HNF4G: variants seen among roughly 807,000 people sequenced by gnomAD.
The protein encoded by HNF4G is hepatocyte nuclear factor 4 gamma.
Under a neutral mutation model 50.9 loss-of-function variants are expected in HNF4G, and 21 were observed. The ratio of observed to expected loss-of-function variants is 0.41; its 90% CI spans 0.29 to 0.59. The LOEUF is 0.59. Among genes scored for constraint, HNF4G ranks in the 20% least tolerant of loss-of-function variants. The probability of loss-of-function intolerance (pLI) is 0.26; values close to 1 mark genes in which losing one functional copy is unlikely to be tolerated. For synonymous variants in HNF4G, 198 were observed against 185.6 expected (o/e 1.07, Z -0.54); for missense variants, 527 against 559.4 (o/e 0.94, Z 0.58).
chr8:75,554,960 GTTC>G (rs1348401633), intron 5 of HNF4G, among the ~76,000 whole-genome samples: 1 of 152,154 alleles, frequency 6.6e-6, no homozygotes, highest in East Asian at 1.9e-4. Context: ...CATGTCCAAG[GTTC>G]TGAGTCAGGC....
intron 1 of HNF4G, among the ~76,000 whole-genome samples, chr8:75,412,077 T>C (rs1430352296): frequency 1.3e-5 from 2 of 152,196 alleles, no homozygotes; most frequent in Non-Finnish European, 2.9e-5. Flanking sequence ...GATTATTATA[T>C]TTATATACAC....
At chr8:75,504,832 C>T (rs1485271171) in intron 2 of HNF4G, among the ~76,000 whole-genome samples, 3 of 151,956 alleles carry the variant, frequency 2.0e-5, no homozygotes, top group Admixed American at 6.6e-5. Flanking sequence ...GTAAGTAACC[C>T]TGGGATTTTA....
intron 2 of HNF4G, among the ~76,000 whole-genome samples, chr8:75,503,304 G>A (rs769698390): frequency 6.6e-6 from 1 of 152,096 alleles, no homozygotes; most frequent in Non-Finnish European, 1.5e-5. Flanking sequence ...GAAAAATGGC[G>A]ATCACCTACA....
intron 2 of HNF4G, among the ~76,000 whole-genome samples, chr8:75,513,780 A>G (rs1222026277): frequency 6.6e-6 from 1 of 151,544 alleles, no homozygotes; most frequent in Non-Finnish European, 1.5e-5. Flanking sequence ...AATTCATATT[A>G]TTTATATTTT....
intron 1 of HNF4G, among the ~76,000 whole-genome samples, chr8:75,417,745 A>T (rs1411785990): frequency 1.3e-5 from 2 of 152,236 alleles, no homozygotes; most frequent in Non-Finnish European, 2.9e-5. Context: ...GTGTAAATAA[A>T]CAATACGGCA....
intron 1 of HNF4G, among the ~76,000 whole-genome samples, chr8:75,439,084 T>C (rs1811210016): frequency 6.6e-6 from 1 of 152,084 alleles, no homozygotes; most frequent in African/African-American, 2.4e-5. Context: ...ATATTTGCAA[T>C]TACAAACAAT....
At chr8:75,560,259 G>A (rs1807267524) in intron 8 of HNF4G, 85 bp from the exon 9 acceptor site, 2 of 1,427,636 alleles carry the variant, frequency 1.4e-6, no homozygotes, top group South Asian at 2.4e-5. Context: ...CGATATTTAA[G>A]CTGTCAATCA....
intron 6 of HNF4G, among the ~76,000 whole-genome samples, chr8:75,556,739 G>A (rs1159321719): frequency 6.6e-6 from 1 of 152,136 alleles, no homozygotes; most frequent in African/African-American, 2.4e-5. Context: ...TCTCTGGCAT[G>A]TGTGAAAATA....
chr8:75,513,419 C>T (rs1224796036), intron 2 of HNF4G, among the ~76,000 whole-genome samples: 1 of 152,110 alleles, frequency 6.6e-6, no homozygotes, highest in South Asian at 2.1e-4. Flanking sequence ...GAAAAATGCC[C>T]ATCTTGTGAT....
intron 1 of HNF4G, among the ~76,000 whole-genome samples, chr8:75,480,892 A>G (rs902517715): frequency 6.6e-6 from 1 of 151,500 alleles, no homozygotes; most frequent in Non-Finnish European, 1.5e-5. Context: ...TGTATTTTTT[A>G]TTTTAGCGGA....
intron 1 of HNF4G, among the ~76,000 whole-genome samples, chr8:75,456,515 G>C (rs1379202265): frequency 6.6e-6 from 1 of 151,868 alleles, no homozygotes; most frequent in Non-Finnish European, 1.5e-5. Context: ...TAAATTTGAT[G>C]TTTTATCTTG....
At chr8:75,448,648 A>T (rs1264521347) in intron 1 of HNF4G, among the ~76,000 whole-genome samples, 2 of 151,970 alleles carry the variant, frequency 1.3e-5, no homozygotes, top group East Asian at 3.8e-4. Flanking sequence ...TACTGTTATG[A>T]ATATTCATTG....
chr8:75,507,655 A>G (rs1468427672), intron 2 of HNF4G, among the ~76,000 whole-genome samples: 1 of 152,230 alleles, frequency 6.6e-6, no homozygotes, highest in Non-Finnish European at 1.5e-5. Context: ...AAACATTAAA[A>G]GGTAGTGATG....
At chr8:75,437,524 G>A (rs555178683) in intron 1 of HNF4G, among the ~76,000 whole-genome samples, 14 of 152,206 alleles carry the variant, frequency 9.2e-5, no homozygotes, top group Admixed American at 9.2e-4. Context: ...TAGGACAAAG[G>A]AAGAATGTTT....
intron 2 of HNF4G, among the ~76,000 whole-genome samples, chr8:75,520,730 G>A (rs570027086): frequency 2.0e-5 from 3 of 152,066 alleles, no homozygotes; most frequent in East Asian, 3.9e-4. Context: ...GCACCACCAC[G>A]CCCAGCCTAT....
intron 1 of HNF4G, among the ~76,000 whole-genome samples, chr8:75,476,011 G>C (rs1431443163): frequency 6.6e-6 from 1 of 152,080 alleles, no homozygotes; most frequent in Non-Finnish European, 1.5e-5. Flanking sequence ...ACTGTGTAAT[G>C]GTGAGATTTG....
chr8:75,487,221 TA>T (rs1284014803), intron 1 of HNF4G, among the ~76,000 whole-genome samples: 1 of 152,180 alleles, frequency 6.6e-6, no homozygotes, highest in Admixed American at 6.5e-5. Context: ...CTTTTACATG[TA>T]ATTGTATGTG....
intron 2 of HNF4G, among the ~76,000 whole-genome samples, chr8:75,531,334 TAGACATA>T (rs1349186470): frequency 6.6e-6 from 1 of 152,194 alleles, no homozygotes; most frequent in East Asian, 1.9e-4. Context: ...GATGCATTCC[TAGACATA>T]TGGTAAAACT....
In HNF4G at chr8:75,515,957, G is replaced by T. The variant is rs372201644; in HGVS notation, c.-24+25749G>T. Among the ~76,000 whole-genome samples, 146 of 152,244 alleles carry T rather than the reference G, an allele frequency of 9.6e-4. 1 individual carries two copies. Among genetic ancestry groups the T allele is most frequent in the Middle Eastern group, 3.4e-3 (1 of 294 alleles). On this transcript the variant is annotated intron_variant, in intron 2 of 10. Coordinates refer to the HNF4G transcript ENST00000354370. ...ATTTTGTATTTTTAGTAGAGACAGG[G>T]TTTCTCATCTTGGTCAGGCTGGTCT...
Sources: allele counts gnomAD v4.1 joint callset (sites outside exome capture counted in the v4.1 genomes callset), GRCh38; gene constraint gnomAD v4.1.1; transcripts MANE v1.5; gene names NCBI Gene and HGNC (gene_info 2026-07-23, HGNC 2026-07-21).